The following CNTNAP4 variants were observed in gnomAD, a reference collection of about 807,000 sequenced individuals.
The protein encoded by CNTNAP4 is contactin-associated protein-like 4.
In CNTNAP4, 98 loss-of-function variants were observed where a neutral mutation model predicts 148.4. That is an observed-to-expected ratio of 0.66 (90% CI 0.56 to 0.78). CNTNAP4 has a LOEUF of 0.78. Among genes scored for constraint, CNTNAP4 ranks in the 30% least tolerant of loss-of-function variants. The pLI, the probability that CNTNAP4 is intolerant of heterozygous loss-of-function variation, is 0.00. For missense variants in CNTNAP4, 1,935 were observed against 1,565.6 expected (o/e 1.24, Z -3.98); for synonymous variants, 730 against 565.1 (o/e 1.29, Z -4.14).
chr16:76,397,345 A>G (rs2078238630), intron 3 of CNTNAP4, among the ~76,000 whole-genome samples: 1 of 152,024 alleles, frequency 6.6e-6, no homozygotes, highest in South Asian at 2.1e-4. Flanking sequence ...CGAGCTACCA[A>G]TGTCAGGAGA....
At chr16:76,333,779 G>GTTTTTTTTTTTTT (rs549878036) in intron 2 of CNTNAP4, among the ~76,000 whole-genome samples, 48 of 45,590 alleles carry the variant, frequency 1.1e-3, no homozygotes, top group Non-Finnish European at 1.1e-3. Flanking sequence ...TGGGTTATAG[G>GTTTTTTTTTTTTT]TTTTTTTTTT....
chr16:76,357,196 T>C (rs1462427258), intron 3 of CNTNAP4, among the ~76,000 whole-genome samples: 2 of 152,206 alleles, frequency 1.3e-5, no homozygotes, highest in African/African-American at 2.4e-5. Context: ...TAATGAGATA[T>C]TTATTTAACT....
chr16:76,547,946 GCT>G (rs1272774967), intron 21 of CNTNAP4, among the ~76,000 whole-genome samples: 2 of 152,172 alleles, frequency 1.3e-5, no homozygotes, highest in Non-Finnish European at 2.9e-5. Context: ...AGTTTAATTA[GCT>G]TACCTAAGTA....
intron 2 of CNTNAP4, among the ~76,000 whole-genome samples, chr16:76,333,291 C>T (rs1014985589): frequency 1.3e-5 from 2 of 152,132 alleles, no homozygotes; most frequent in African/African-American, 4.8e-5. Context: ...ATGTACTACG[C>T]TTTCTGTTTC....
At chr16:76,412,990 CTT>C (rs1438050214) in intron 3 of CNTNAP4, among the ~76,000 whole-genome samples, 1 of 151,308 alleles carries the variant, frequency 6.6e-6, no homozygotes, top group Non-Finnish European at 1.5e-5. Context: ...TTAAAAATTT[CTT>C]TCTTTTTAAT....
chr16:76,331,121 G>A (rs1351102077), intron 2 of CNTNAP4, among the ~76,000 whole-genome samples: 1 of 142,186 alleles, frequency 7.0e-6, no homozygotes, highest in Non-Finnish European at 1.6e-5. Flanking sequence ...AATAGGTTTA[G>A]TTGATTTTTT....
chr16:76,357,745 ACT>A (rs1008739605), intron 3 of CNTNAP4, among the ~76,000 whole-genome samples: 7 of 152,026 alleles, frequency 4.6e-5, no homozygotes, highest in African/African-American at 1.7e-4. Flanking sequence ...TCTAAAAGTG[ACT>A]CTCTCTTGCC....
chr16:76,466,233 C>G (rs2081173108), intron 9 of CNTNAP4, among the ~76,000 whole-genome samples: 1 of 152,144 alleles, frequency 6.6e-6, no homozygotes, highest in Non-Finnish European at 1.5e-5. Flanking sequence ...ATCTCCAGTT[C>G]CATCCATGTT....
intron 3 of CNTNAP4, among the ~76,000 whole-genome samples, chr16:76,362,017 G>A (rs190971174): frequency 2.0e-5 from 3 of 152,010 alleles, no homozygotes; most frequent in Non-Finnish European, 4.4e-5. Context: ...TTAAAATCAG[G>A]TTTTTTCCCC....
chr16:76,529,924 C>A (rs756244188), intron 17 of CNTNAP4, among the ~76,000 whole-genome samples: 3 of 151,686 alleles, frequency 2.0e-5, no homozygotes, highest in Non-Finnish European at 4.4e-5. Flanking sequence ...TTCTAGGTCA[C>A]GGCATATGCA....
At chr16:76,289,717 C>T (rs1447781795) in intron 1 of CNTNAP4, among the ~76,000 whole-genome samples, 1 of 152,012 alleles carries the variant, frequency 6.6e-6, no homozygotes, top group Non-Finnish European at 1.5e-5. Context: ...ACTACAGGCA[C>T]CTGCCACCAT....
At chr16:76,488,203 G>T (rs1047110006) in intron 12 of CNTNAP4, among the ~76,000 whole-genome samples, 1 of 152,176 alleles carries the variant, frequency 6.6e-6, no homozygotes, top group Admixed American at 6.5e-5. Context: ...TGGAGGCTCA[G>T]ATTTTACCTG....
At chr16:76,490,274 C>T (rs923394809) in intron 13 of CNTNAP4, among the ~76,000 whole-genome samples, 5 of 152,136 alleles carry the variant, frequency 3.3e-5, no homozygotes, top group Non-Finnish European at 5.9e-5. Flanking sequence ...TTTCTGAAAG[C>T]GATTATTCTA....
chr16:76,517,004 C>T (rs2083278041), intron 15 of CNTNAP4, among the ~76,000 whole-genome samples: 1 of 152,174 alleles, frequency 6.6e-6, no homozygotes, highest in South Asian at 2.1e-4. Context: ...GTGGAGGTTG[C>T]AGTGGCCAAT....
intron 3 of CNTNAP4, among the ~76,000 whole-genome samples, chr16:76,392,379 C>A (rs2078054958): frequency 6.6e-6 from 1 of 151,950 alleles, no homozygotes; most frequent in South Asian, 2.1e-4. Context: ...ATATGAACTC[C>A]CAAATCATTG....
rs867021634 is a variant in CNTNAP4 at position 76,404,352 on chromosome 16, C to T, written c.391-23100C>T. On this transcript the variant is annotated intron_variant, in intron 3 of 23. Coordinates refer to ENST00000611870, the MANE Select transcript of CNTNAP4 (RefSeq NM_033401.5). ...GAGAGTAGTTTCAGAATATACACTT[C>T]CCTGAAGATAAATATAAATAATAAA... 5.3e-5 allele frequency among the ~76,000 whole-genome samples: 8 copies of T among 151,494 alleles called. No individual in the cohort carries two copies. The Middle Eastern group carries it at 0.014, about 258-fold the overall frequency.
intron 12 of CNTNAP4, among the ~76,000 whole-genome samples, chr16:76,482,995 C>A (rs375058632): frequency 6.6e-6 from 1 of 152,184 alleles, no homozygotes; most frequent in East Asian, 1.9e-4. Context: ...AGAGAGAAGA[C>A]TTTACAAGTG....
intron 1 of CNTNAP4, among the ~76,000 whole-genome samples, chr16:76,288,482 A>T (rs1597085907): frequency 6.6e-6 from 1 of 151,780 alleles, no homozygotes; most frequent in South Asian, 2.1e-4. Context: ...TCACTCTAAA[A>T]CCTCTTGGAA....
intron 4 of CNTNAP4, among the ~76,000 whole-genome samples, chr16:76,429,614 T>C (rs1452903362): frequency 6.6e-6 from 1 of 152,156 alleles, no homozygotes; most frequent in Non-Finnish European, 1.5e-5. Context: ...GGACTGTTTA[T>C]GCTGTTTTGC....
Sources: gnomAD v4.1 joint callset for allele counts (sites outside exome capture counted in the v4.1 genomes callset) on GRCh38, gnomAD v4.1.1 for gene constraint, MANE v1.5 for transcripts, NCBI Gene and HGNC (gene_info 2026-07-23, HGNC 2026-07-21) for gene names.